The following SENP6 variants were observed in gnomAD, a reference collection of about 807,000 sequenced individuals.
SENP6 encodes sentrin-specific protease 6.
SENP6 carries 41 observed loss-of-function variants against 134.5 expected under a neutral mutation model. The observed-to-expected ratio is 0.30, with a 90% CI of 0.24 to 0.40. The LOEUF (loss-of-function observed/expected upper bound fraction) is 0.40. SENP6 is among the 10% of genes least tolerant of loss of function. SENP6 has a pLI of 1.00. For missense variants in SENP6, 1,248 were observed against 1,312.5 expected, an observed-to-expected ratio of 0.95 and a Z score of 0.76; for synonymous variants, 395 against 429.8, an observed-to-expected ratio of 0.92 and a Z score of 1.00.
rs191797384 is a variant in SENP6 at position 75,656,295 on chromosome 6, G to A, written c.551-2967G>A. Reference sequence around the variant, plus strand: ...CCTAATCTTCATGTTCCTACCGCAGGGTCTTTGGTAAATACTCTTTATTCT... The same window carrying A: ...CCTAATCTTCATGTTCCTACCGCAGAGTCTTTGGTAAATACTCTTTATTCT... On this transcript the variant is annotated intron_variant, in intron 7 of 23. Coordinates refer to ENST00000447266, the MANE Select transcript of SENP6 (RefSeq NM_015571.4). Among the ~76,000 whole-genome samples, 602 of 151,800 alleles carry A rather than the reference G, an allele frequency of 4.0e-3. 4 individuals are homozygous for A. The highest frequency in any genetic ancestry group is 0.014 in the African/African-American group (573 of 41,428).
intron 19 of SENP6, among the ~76,000 whole-genome samples, chr6:75,705,924 C>CTTTTTT (rs1562073188): frequency 0.011 from 964 of 89,242 alleles, 275 homozygotes; most frequent in Middle Eastern, 0.029. Flanking sequence ...TATTTTTGAG[C>CTTTTTT]CTTTTTTTTT....
intron 20 of SENP6, among the ~76,000 whole-genome samples, chr6:75,709,843 TAAA>T (rs1222809197): frequency 1.3e-5 from 2 of 152,148 alleles, no homozygotes; most frequent in African/African-American, 4.8e-5. Flanking sequence ...AAAGACTTTA[TAAA>T]GTCTTGTAAA....
At position 75,602,250 on chromosome 6, in the gene SENP6, G is replaced by A. The variant is rs576966994; in HGVS notation, c.-275G>A. Reference sequence around the variant, plus strand: ...CCGAGAGGAACCGGGCCCGGGAAGCGCCGTCGTCGTCGTCGCCGGTCGCGT... The same window carrying A: ...CCGAGAGGAACCGGGCCCGGGAAGCACCGTCGTCGTCGTCGCCGGTCGCGT... On this transcript the variant is annotated 5_prime_UTR_variant, in exon 1 of 24. Coordinates refer to ENST00000447266, the MANE Select transcript of SENP6 (RefSeq NM_015571.4). 3.3e-4 allele frequency: 122 copies of A among 365,156 alleles called. No homozygotes were observed. The highest frequency in any genetic ancestry group is 2.5e-3 in the African/African-American group (118 of 47,250). The allele number at this position is 365,156 out of a possible 1,614,324, so 22.6% of individuals were successfully genotyped here. A position where few individuals can be genotyped will look rare whatever the true frequency, so the allele number is the denominator to read the frequency against.
intron 19 of SENP6, among the ~76,000 whole-genome samples, chr6:75,707,214 AACTG>A (rs994136125): frequency 5.3e-5 from 8 of 152,172 alleles, no homozygotes; most frequent in East Asian, 1.9e-4. Flanking sequence ...ACCTGATTAT[AACTG>A]ACTAATTCTG....
Position 75,709,606 on chromosome 6 carries a change from C to T in SENP6, c.2796C>T (p.Asp932=). 1 of 1,613,688 alleles carries T rather than the reference C, an allele frequency of 6.2e-7. No homozygotes were observed. The highest frequency in any genetic ancestry group is 1.1e-5 in the South Asian group (1 of 91,070). ...AGKMLEDELV[D]FSEDQDNQDD... ...AAATGCTTGAAGATGAACTCGTCGA[C>T]TTCTCAGAAGATCAGGATAACCAGG... is the stretch of plus-strand genomic sequence containing the variant. The change falls in exon 20 of 24, where the codon GAC becomes GAT. Residue 932 remains aspartate (D), a synonymous_variant. Coordinates refer to ENST00000447266, the MANE Select transcript of SENP6 (RefSeq NM_015571.4).
intron 1 of SENP6, among the ~76,000 whole-genome samples, chr6:75,604,088 T>C (rs1766839786): frequency 6.6e-6 from 1 of 152,192 alleles, no homozygotes; most frequent in Admixed American, 6.5e-5. Context: ...GATTATACTT[T>C]TGTGCTATCC....
At chr6:75,653,297 G>A (rs554527949) in intron 7 of SENP6, among the ~76,000 whole-genome samples, 8 of 152,190 alleles carry the variant, frequency 5.3e-5, no homozygotes, top group African/African-American at 1.4e-4. Context: ...TCCCAAAGTG[G>A]CGGGATTACA....
intron 21 of SENP6, among the ~76,000 whole-genome samples, chr6:75,712,842 T>G (rs1582917625): frequency 6.6e-6 from 1 of 152,270 alleles, no homozygotes; most frequent in Admixed American, 6.5e-5. Flanking sequence ...CAGTAGCACA[T>G]GCCTATAATC....
chr6:75,701,633 C>CTTTTT lies in SENP6; in HGVS notation c.2289-993_2289-989dup, dbSNP rs60715314. On this transcript the variant is annotated intron_variant, in intron 18 of 23. Coordinates refer to ENST00000447266, the MANE Select transcript of SENP6 (RefSeq NM_015571.4). Reference sequence around the variant, plus strand: ...ATTAGACTGCTGAAGACAGTTTAATCTTTTTTTTTTTTTTTTTTTTTTTGG... The same window carrying CTTTTT: ...ATTAGACTGCTGAAGACAGTTTAATCTTTTTTTTTTTTTTTTTTTTTTTTTTTTGG... Among the ~76,000 whole-genome samples, 413 of 80,108 alleles carry CTTTTT rather than the reference C, an allele frequency of 5.2e-3. 12 individuals carry two copies. The East Asian group carries it at 0.061, about 12-fold the overall frequency. The allele number at this position is 80,108 out of a possible 152,430, so 52.6% of individuals were successfully genotyped here.
chr6:75,658,466 G>C (rs887855981), intron 7 of SENP6, among the ~76,000 whole-genome samples: 2 of 152,028 alleles, frequency 1.3e-5, no homozygotes, highest in African/African-American at 4.8e-5. Context: ...CTTCACTTAT[G>C]TTTTAGAAAC....
intron 5 of SENP6, among the ~76,000 whole-genome samples, chr6:75,640,331 G>T (rs986382826): frequency 1.3e-5 from 2 of 152,042 alleles, no homozygotes; most frequent in African/African-American, 4.8e-5. Flanking sequence ...TATTGGATTC[G>T]GTACTATCAT....
chr6:75,687,613 G>A (rs1049202205), intron 16 of SENP6, among the ~76,000 whole-genome samples: 2 of 151,924 alleles, frequency 1.3e-5, no homozygotes, highest in African/African-American at 4.8e-5. Context: ...TGATGTTGAT[G>A]CTATTCCTTT....
rs770325230 is a variant in SENP6 at position 75,633,563 on chromosome 6, C to T, written c.208-18C>T. ...ATTATAGCATTTTTGACTCATATTT[C>T]TGGATCTTTTTTTACAGTTAAATCG... On this transcript the variant is annotated intron_variant, in intron 3 of 23. Transcript: ENST00000447266. 3.0e-5 allele frequency: 47 copies of T among 1,574,336 alleles called. No individual in the cohort carries two copies. In the Admixed American group the frequency reaches 3.9e-4, roughly 13 times the overall value.
At chr6:75,656,981 T>C (rs1317442424) in intron 7 of SENP6, among the ~76,000 whole-genome samples, 1 of 152,202 alleles carries the variant, frequency 6.6e-6, no homozygotes, top group East Asian at 1.9e-4. Flanking sequence ...GAGAAGAGTG[T>C]GATTACATAA....
chr6:75,663,289 A>G lies in SENP6; in HGVS notation c.765A>G (p.Ser255=), dbSNP rs1562020733. 6.2e-7 allele frequency: 1 copy of G among 1,613,682 alleles called. No homozygotes were observed. The highest frequency in any genetic ancestry group is 2.2e-5 in the East Asian group (1 of 44,792). ...CTACTGGACCATTATTAAGAACGTC[A>G]ATTCATCAGAATTCTGGAGGACAGA... The part of the protein sequence containing the change: ...NESTGPLLRT[S]IHQNSGGQKS... The change falls in exon 9 of 24, where the codon TCA becomes TCG. Residue 255 remains serine (S), a synonymous_variant. Coordinates refer to ENST00000447266, the MANE Select transcript of SENP6 (RefSeq NM_015571.4).
intron 1 of SENP6, among the ~76,000 whole-genome samples, chr6:75,608,111 C>A (rs1043215074): frequency 3.5e-4 from 53 of 152,150 alleles, no homozygotes; most frequent in African/African-American, 1.2e-3. Flanking sequence ...TTCTGTTTAT[C>A]ATGTGAGTTC....
intron 1 of SENP6, among the ~76,000 whole-genome samples, chr6:75,602,969 G>A (rs1395894584): frequency 6.6e-6 from 1 of 152,194 alleles, no homozygotes; most frequent in Non-Finnish European, 1.5e-5. Flanking sequence ...TGCAACTGGG[G>A]ACCAATCTAA....
Position 75,718,121 on chromosome 6 carries a change from C to A in SENP6, c.*2527C>A, listed in dbSNP as rs1424712862. On this transcript the variant is annotated 3_prime_UTR_variant, in exon 24 of 24. Transcript: ENST00000447266. ...CTAAATTACATCTTGTTTTAAGCCA[C>A]CAAAATGAATGCAGTAATTTTTCTT... 2 of 151,842 alleles carry A rather than the reference C, an allele frequency of 1.3e-5. No homozygotes were observed. Among genetic ancestry groups the A allele is most frequent in the African/African-American group, 4.8e-5 (2 of 41,354 alleles). 9.4% of individuals were successfully genotyped at this position (151,842 alleles called of 1,614,324 possible).
intron 13 of SENP6, 22 bp from the exon 14 acceptor site, chr6:75,677,005 TGGA>T: frequency 9.5e-7 from 1 of 1,057,208 alleles, no homozygotes; most frequent in Non-Finnish European, 1.4e-6. Flanking sequence ...TGTTTTTTTT[TGGA>T]CTTATATTTA....
Sources: gnomAD v4.1 joint callset for allele counts (sites outside exome capture counted in the v4.1 genomes callset) on GRCh38, gnomAD v4.1.1 for gene constraint, MANE v1.5 for transcripts, NCBI Gene and HGNC (gene_info 2026-07-23, HGNC 2026-07-21) for gene names.